KCNT2: variants seen among roughly 807,000 people sequenced by gnomAD.
KCNT2 encodes potassium sodium-activated channel subfamily T member 2, also known as potassium channel subfamily T member 2.
KCNT2 carries 67 observed loss-of-function variants against 153.8 expected under a neutral mutation model. That is an observed-to-expected ratio of 0.44 (90% CI 0.36 to 0.53). KCNT2 has a LOEUF of 0.53. Ranked by LOEUF, KCNT2 falls within the 20% of genes least tolerant of loss-of-function variation. The probability of loss-of-function intolerance (pLI) is 0.00; values close to 1 mark genes in which losing one functional copy is unlikely to be tolerated. For synonymous variants in KCNT2, 500 were observed against 458.8 expected (o/e 1.09, Z -1.15); for missense variants, 975 against 1,354.8 (o/e 0.72, Z 4.40).
intron 13 of KCNT2, among the ~76,000 whole-genome samples, chr1:196,385,130 T>G (rs1340699584): frequency 6.6e-6 from 1 of 152,198 alleles, no homozygotes; most frequent in Admixed American, 6.5e-5. Flanking sequence ...TGTTTTGTCT[T>G]GTTGGAGTCC....
At chr1:196,448,179 T>G (rs2148610415) in intron 8 of KCNT2, among the ~76,000 whole-genome samples, 1 of 151,690 alleles carries the variant, frequency 6.6e-6, no homozygotes, top group African/African-American at 2.4e-5. Flanking sequence ...GATGTCCAAC[T>G]TACTTAAAAA....
intron 24 of KCNT2, among the ~76,000 whole-genome samples, chr1:196,281,409 C>T (rs1659081912): frequency 6.6e-6 from 1 of 152,102 alleles, no homozygotes; most frequent in Admixed American, 6.5e-5. Context: ...TAACTGGAGG[C>T]TGACACTGGT....
At chr1:196,262,255 T>C (rs1486161507) in intron 25 of KCNT2, among the ~76,000 whole-genome samples, 3 of 151,988 alleles carry the variant, frequency 2.0e-5, no homozygotes, top group Non-Finnish European at 4.4e-5. Context: ...TGAACAATTA[T>C]TCACGTCATA....
chr1:196,466,083 C>T (rs987350399), intron 7 of KCNT2, among the ~76,000 whole-genome samples: 3 of 151,558 alleles, frequency 2.0e-5, no homozygotes, highest in African/African-American at 2.4e-5. Context: ...TAGCATCTGG[C>T]GAAAAGAGAT....
intron 26 of KCNT2, among the ~76,000 whole-genome samples, chr1:196,247,319 A>G (rs1031922014): frequency 1.9e-4 from 29 of 152,330 alleles, no homozygotes; most frequent in African/African-American, 7.0e-4. Flanking sequence ...GATAGACTCC[A>G]ACACAATAAT....
chr1:196,263,846 C>T (rs1040543818), intron 25 of KCNT2, among the ~76,000 whole-genome samples: 1 of 152,122 alleles, frequency 6.6e-6, no homozygotes, highest in Non-Finnish European at 1.5e-5. Flanking sequence ...TGTTATATTT[C>T]TGGTTATTTC....
chr1:196,471,061 C>CT (rs1557978490), intron 5 of KCNT2, among the ~76,000 whole-genome samples: 1 of 150,970 alleles, frequency 6.6e-6, no homozygotes, highest in South Asian at 2.1e-4. Context: ...TTTTTTTATT[C>CT]TTTTTTTAAT....
chr1:196,396,485 G>A (rs1215304373), intron 13 of KCNT2, among the ~76,000 whole-genome samples: 1 of 151,512 alleles, frequency 6.6e-6, no homozygotes, highest in Non-Finnish European at 1.5e-5. Flanking sequence ...ACAGCTTGAT[G>A]CACTGCCTTT....
chr1:196,429,866 C>T (rs1309062841), intron 8 of KCNT2, 109 bp from the exon 9 acceptor site: 5 of 673,524 alleles, frequency 7.4e-6, no homozygotes, highest in Non-Finnish European at 1.2e-5. Context: ...ATTTAATAGT[C>T]CCTCTTATAT....
chr1:196,406,312 T>C (rs1220331983), intron 12 of KCNT2, among the ~76,000 whole-genome samples: 1 of 151,554 alleles, frequency 6.6e-6, no homozygotes, highest in Non-Finnish European at 1.5e-5. Context: ...TTGTAATTGA[T>C]GTCTTTAGAG....
At chr1:196,526,293 A>G (rs545168876) in intron 1 of KCNT2, among the ~76,000 whole-genome samples, 52 of 151,028 alleles carry the variant, frequency 3.4e-4, no homozygotes, top group Admixed American at 1.9e-3. Context: ...CTTATATTTT[A>G]TAAATTATAA....
At chr1:196,465,863 G>A (rs1677568374) in intron 7 of KCNT2, among the ~76,000 whole-genome samples, 1 of 151,780 alleles carries the variant, frequency 6.6e-6, no homozygotes, top group Non-Finnish European at 1.5e-5. Flanking sequence ...AAATAAAATA[G>A]CCAATAAACA....
intron 21 of KCNT2, among the ~76,000 whole-genome samples, chr1:196,308,458 G>A (rs1298056038): frequency 1.3e-5 from 2 of 151,950 alleles, no homozygotes; most frequent in Non-Finnish European, 2.9e-5. Context: ...TGGTTCTCAA[G>A]GGTGGATTTT....
chr1:196,545,928 C>T (rs909626402), intron 1 of KCNT2, among the ~76,000 whole-genome samples: 44 of 151,928 alleles, frequency 2.9e-4, no homozygotes, highest in Admixed American at 8.5e-4. Context: ...TTCCTTTGTA[C>T]GGATATACCA....
In KCNT2 at chr1:196,244,809, G is replaced by T. The variant is rs149553116; in HGVS notation, c.3212-8739C>A. 2.6e-5 allele frequency among the ~76,000 whole-genome samples: 4 copies of T among 152,162 alleles called. No homozygotes were observed. In the East Asian group the frequency reaches 7.8e-4, roughly 30 times the overall value. ...TGAAGGGAGGAAAAAAGATGGGCTG[G>T]TTTTGCCACCTTCTGTTTGTAGAGC... On this transcript the variant is annotated intron_variant, in intron 26 of 27. Coordinates refer to ENST00000294725, the MANE Select transcript of KCNT2 (RefSeq NM_198503.5).
chr1:196,391,120 G>A (rs764774585), intron 13 of KCNT2, among the ~76,000 whole-genome samples: 2 of 151,206 alleles, frequency 1.3e-5, no homozygotes, highest in African/African-American at 2.4e-5. Context: ...GGGTTGTAAG[G>A]CTCCAACTAA....
chr1:196,555,872 G>C (rs956129385), intron 1 of KCNT2, among the ~76,000 whole-genome samples: 1 of 151,202 alleles, frequency 6.6e-6, no homozygotes, highest in Non-Finnish European at 1.5e-5. Context: ...TCTCATTTTT[G>C]ACAAATGTGT....
intron 1 of KCNT2, among the ~76,000 whole-genome samples, chr1:196,586,070 C>T (rs908739142): frequency 6.6e-6 from 1 of 151,754 alleles, no homozygotes; most frequent in Non-Finnish European, 1.5e-5. Context: ...GACCAGCCTG[C>T]GCAACATGGC....
At chr1:196,411,350 C>T (rs1672310454) in intron 12 of KCNT2, among the ~76,000 whole-genome samples, 1 of 150,072 alleles carries the variant, frequency 6.7e-6, no homozygotes, top group Non-Finnish European at 1.5e-5. Context: ...AAGTTTGATA[C>T]CTCCTGCTTT....
Sources: allele counts gnomAD v4.1 joint callset (sites outside exome capture counted in the v4.1 genomes callset), GRCh38; gene constraint gnomAD v4.1.1; transcripts MANE v1.5; gene names NCBI Gene and HGNC (gene_info 2026-07-23, HGNC 2026-07-21).